The following CALCR variants were observed in gnomAD, a reference collection of about 807,000 sequenced individuals.
CALCR encodes the protein calcitonin receptor.
CALCR carries 47 observed loss-of-function variants against 59.5 expected under a neutral mutation model. The ratio of observed to expected loss-of-function variants is 0.79; its 90% confidence interval spans 0.63 to 1.01. The LOEUF is 1.01. Among genes scored for constraint, CALCR ranks in the 50% least tolerant of loss-of-function variants. The pLI is 0.00. For synonymous variants in CALCR, 213 were observed against 211.3 expected (o/e 1.01, Z -0.07); for missense variants, 566 against 597.1 (o/e 0.95, Z 0.54).
At chr7:93,555,937 GA>G (rs1163706823) in intron 2 of CALCR, among the ~76,000 whole-genome samples, 1 of 152,100 alleles carries the variant, frequency 6.6e-6, no homozygotes, top group Non-Finnish European at 1.5e-5. Flanking sequence ...GAACAATAAT[GA>G]AAAGAGTAAA....
intron 2 of CALCR, among the ~76,000 whole-genome samples, chr7:93,537,742 A>T (rs931484453): frequency 1.3e-5 from 2 of 151,726 alleles, no homozygotes; most frequent in South Asian, 4.1e-4. Context: ...ACATACATAC[A>T]TACATATATA....
intron 8 of CALCR, among the ~76,000 whole-genome samples, chr7:93,460,262 A>G (rs1800287792): frequency 6.6e-6 from 1 of 152,026 alleles, no homozygotes; most frequent in African/African-American, 2.4e-5. Flanking sequence ...AGTCTTAGAA[A>G]TGCATGGTTT....
At chr7:93,555,026 G>A (rs1789559328) in intron 2 of CALCR, among the ~76,000 whole-genome samples, 1 of 151,944 alleles carries the variant, frequency 6.6e-6, no homozygotes, top group South Asian at 2.1e-4. Context: ...TAGAATCTCT[G>A]ACTCCAGAGT....
chr7:93,569,935 G>GACACACACACACACACAC (rs3068441), intron 2 of CALCR, among the ~76,000 whole-genome samples: 13 of 144,016 alleles, frequency 9.0e-5, no homozygotes, highest in African/African-American at 2.8e-4. Context: ...GATGTAAAGG[G>GACACACACACACACACAC]ACACACACAC....
intron 2 of CALCR, among the ~76,000 whole-genome samples, chr7:93,525,898 T>C (rs1801867967): frequency 6.6e-6 from 1 of 152,226 alleles, no homozygotes; most frequent in Non-Finnish European, 1.5e-5. Flanking sequence ...TGGGAATCAT[T>C]GTTTAATTCT....
chr7:93,474,571 T>A lies in CALCR; in HGVS notation c.317-2084A>T, dbSNP rs1800625048. On this transcript the variant is annotated intron_variant, in intron 5 of 13. Coordinates refer to ENST00000426151, the MANE Select transcript of CALCR (RefSeq NM_001742.4). ...AACTGAAAGAAAAAATCAGGTTGAA[T>A]TAAATAACATAGAAATAATGAACAA... Among the ~76,000 whole-genome samples, 5 of 151,686 alleles carry A rather than the reference T, an allele frequency of 3.3e-5. No homozygotes were observed. In the Admixed American group the frequency reaches 3.3e-4, roughly 10 times the overall value.
chr7:93,479,305 G>A (rs1800739405), intron 4 of CALCR, 49 bp downstream of exon 4: 6 of 1,501,734 alleles, frequency 4.0e-6, no homozygotes, highest in South Asian at 2.6e-5. Context: ...AAAAGAAAAT[G>A]TCTGTAATGG....
At position 93,496,306 on chromosome 7, in the gene CALCR, C is replaced by T. The variant is rs146646146; in HGVS notation, c.-26-9299G>A. 4.4e-3 allele frequency among the ~76,000 whole-genome samples: 660 copies of T among 151,460 alleles called. 3 individuals carry two copies. Among genetic ancestry groups the T allele is most frequent in the Non-Finnish European group, 6.8e-3 (458 of 67,596 alleles). On this transcript the variant is annotated intron_variant, in intron 2 of 13. Transcript: ENST00000426151. ...CTTTAAAGACTCTAATTTTTCTGTA[C>T]GAAAAAGACCCCTTTGATGTTAACT... is the stretch of plus-strand genomic sequence containing the variant.
At chr7:93,479,748 A>T (rs528408152) in intron 3 of CALCR, among the ~76,000 whole-genome samples, 6 of 106,570 alleles carry the variant, frequency 5.6e-5, no homozygotes, top group Admixed American at 3.3e-4. Context: ...AATGGATAAC[A>T]CCTACACACT....
chr7:93,481,229 A>G (rs751012484), intron 3 of CALCR, among the ~76,000 whole-genome samples: 1 of 151,924 alleles, frequency 6.6e-6, no homozygotes, highest in Non-Finnish European at 1.5e-5. Flanking sequence ...TATATGATAA[A>G]GATGTTTTGT....
At chr7:93,466,291 A>T (rs1352750142) in intron 7 of CALCR, among the ~76,000 whole-genome samples, 1 of 151,930 alleles carries the variant, frequency 6.6e-6, no homozygotes, top group Non-Finnish European at 1.5e-5. Context: ...ATTTGAAAAA[A>T]AATTCTGGAA....
At chr7:93,478,723 A>G (rs989719220) in intron 4 of CALCR, among the ~76,000 whole-genome samples, 2 of 151,554 alleles carry the variant, frequency 1.3e-5, no homozygotes, top group Non-Finnish European at 2.9e-5. Flanking sequence ...ATTTAAAGGG[A>G]TGTTGCAATG....
intron 8 of CALCR, among the ~76,000 whole-genome samples, chr7:93,449,018 T>G (rs1330144895): frequency 6.6e-6 from 1 of 151,938 alleles, no homozygotes; most frequent in Non-Finnish European, 1.5e-5. Flanking sequence ...TATACAAACA[T>G]ATTAATAAAT....
chr7:93,460,571 A>AT (rs60114051), intron 8 of CALCR, among the ~76,000 whole-genome samples: 25 of 57,984 alleles, frequency 4.3e-4, no homozygotes, highest in South Asian at 1.3e-3. Context: ...AAAAAAAAAA[A>AT]AATATATATA....
chr7:93,427,350 T>A (rs1244757492), intron 13 of CALCR, among the ~76,000 whole-genome samples: 1 of 152,000 alleles, frequency 6.6e-6, no homozygotes, highest in Non-Finnish European at 1.5e-5. Flanking sequence ...TTCAATTTAG[T>A]AGTTAAGTTC....
At chr7:93,544,534 T>C (rs1241163178) in intron 2 of CALCR, among the ~76,000 whole-genome samples, 1 of 152,196 alleles carries the variant, frequency 6.6e-6, no homozygotes, top group Non-Finnish European at 1.5e-5. Flanking sequence ...ATTATATAGA[T>C]TGTGATTTTG....
intron 8 of CALCR, among the ~76,000 whole-genome samples, chr7:93,453,092 C>T (rs1419484672): frequency 6.6e-6 from 1 of 151,956 alleles, no homozygotes; most frequent in East Asian, 1.9e-4. Context: ...TTACAAGTGC[C>T]CTGAGTTTCA....
intron 2 of CALCR, among the ~76,000 whole-genome samples, chr7:93,515,593 T>C (rs1012366896): frequency 1.2e-4 from 18 of 152,088 alleles, no homozygotes; most frequent in African/African-American, 3.6e-4. Flanking sequence ...TGATTGATTC[T>C]AATGAAATAT....
At chr7:93,557,668 A>G (rs1789643284) in intron 2 of CALCR, among the ~76,000 whole-genome samples, 1 of 151,966 alleles carries the variant, frequency 6.6e-6, no homozygotes, top group Admixed American at 6.6e-5. Context: ...GTTTATGATT[A>G]TAACACCTAG....
Sources: gnomAD v4.1 joint callset for allele counts (sites outside exome capture counted in the v4.1 genomes callset) on GRCh38, gnomAD v4.1.1 for gene constraint, MANE v1.5 for transcripts, NCBI Gene and HGNC (gene_info 2026-07-23, HGNC 2026-07-21) for gene names.